The following NPLOC4 variants were observed in gnomAD, a reference collection of about 807,000 sequenced individuals.
The protein encoded by NPLOC4 is NPL4 homolog, ubiquitin recognition factor.
In NPLOC4, 18 loss-of-function variants were observed where a neutral mutation model predicts 80.6. The ratio of observed to expected loss-of-function variants is 0.22; its 90% CI spans 0.15 to 0.33. The LOEUF (loss-of-function observed/expected upper bound fraction) is 0.33, where lower values mean the gene tolerates loss of function less well. NPLOC4 is among the 10% of genes least tolerant of loss of function. The pLI, the probability that NPLOC4 is intolerant of heterozygous loss-of-function variation, is 1.00. For missense variants in NPLOC4, 540 were observed against 786.1 expected, an observed-to-expected ratio of 0.69 and a Z score of 3.74; for synonymous variants, 313 against 301.5, an observed-to-expected ratio of 1.04 and a Z score of -0.39.
Position 81,606,768 on chromosome 17 carries a change from C to T in NPLOC4, c.577G>A (p.Gly193Arg). Residue 193 changes from glycine to arginine, a missense_variant, in exon 7 of 17, where the codon GGG (glycine) becomes AGG (arginine). Physicochemically the swap from Gly to Arg is moderately radical, Grantham distance 125. Transcript: ENST00000331134. ...LENISCKIKS[G>R]CEGHLPWPNG... ...GGCCACGGGAGGTGCCCCTCGCACC[C>T]TGACTTAATCTTGCAGCTGATGTTC... is the stretch of plus-strand genomic sequence containing the variant. The T allele has an allele frequency of 6.2e-7, 1 of 1,613,784 alleles. No individual in the cohort carries two copies. The highest frequency in any genetic ancestry group is 1.3e-5 in the African/African-American group (1 of 75,044).
intron 14 of NPLOC4, 121 bp downstream of exon 14, chr17:81,568,895 G>A (rs1056879812): frequency 1.4e-6 from 1 of 698,454 alleles, no homozygotes; most frequent in Non-Finnish European, 2.5e-6. Flanking sequence ...GCCCTAGCTG[G>A]CCTGTCACAA....
At position 81,580,068 on chromosome 17, in the gene NPLOC4, C is replaced by T. The variant is rs184640099; in HGVS notation, c.1282-7980G>A. Among the ~76,000 whole-genome samples the T allele has an allele frequency of 1.3e-5, 2 of 152,254 alleles. No individual in the cohort carries two copies. The highest frequency in any genetic ancestry group is 2.9e-5 in the Non-Finnish European group (2 of 68,010). ...CCAGGGCGCTATGCTCCTGCCCCTC[C>T]TCCCCAGCTCCTGCCTCCCAGTGCT... On this transcript the variant is annotated intron_variant, in intron 12 of 16. Coordinates refer to ENST00000331134, the MANE Select transcript of NPLOC4 (RefSeq NM_017921.4). This position sits in a 1 kb window ranked among gnomAD's most constrained non-coding sequence, Gnocchi z 4.4.
chr17:81,569,859 G>C (rs2034114491), intron 13 of NPLOC4, among the ~76,000 whole-genome samples: 1 of 152,184 alleles, frequency 6.6e-6, no homozygotes, highest in Non-Finnish European at 1.5e-5. Flanking sequence ...AAATGTGCAA[G>C]AATCAATAGA....
intron 12 of NPLOC4, among the ~76,000 whole-genome samples, chr17:81,575,260 C>T (rs1449225668): frequency 1.3e-5 from 2 of 152,108 alleles, no homozygotes; most frequent in Admixed American, 6.6e-5. Context: ...CCACCACGCC[C>T]GGCTAATTTT....
intron 12 of NPLOC4, 88 bp downstream of exon 12, chr17:81,588,856 T>C (rs928089382): frequency 1.8e-5 from 21 of 1,165,626 alleles, no homozygotes; most frequent in Admixed American, 4.5e-5. Context: ...ACGGCTGCTA[T>C]AGGCAGAATG....
chr17:81,574,140 T>C (rs1042033523), intron 12 of NPLOC4, among the ~76,000 whole-genome samples: 5 of 152,236 alleles, frequency 3.3e-5, no homozygotes, highest in African/African-American at 1.2e-4. Context: ...CTACAAGAAA[T>C]AAACCTGCAA....
chr17:81,629,671 G>T, intron 2 of NPLOC4, 54 bp downstream of exon 2: 2 of 1,278,930 alleles, frequency 1.6e-6, no homozygotes, highest in South Asian at 2.4e-5. Flanking sequence ...ATCGATGGCA[G>T]TAAGAGTAGA....
At chr17:81,616,066 C>A (rs1175064813) in intron 3 of NPLOC4, among the ~76,000 whole-genome samples, 1 of 152,030 alleles carries the variant, frequency 6.6e-6, no homozygotes. Context: ...CGCCTGTAAT[C>A]CCAGCACTTT....
At position 81,559,699 on chromosome 17, in the gene NPLOC4, G is replaced by A. The variant is rs191887780; in HGVS notation, c.1670-283C>T. On this transcript the variant is annotated intron_variant, in intron 16 of 16. Transcript: ENST00000331134. ...CTCCTTGTGAATAACGTAACTCCCCGGGGGATGTGCATTTGGGTTGTTTCC... is the reference window on the plus strand; with the variant it reads ...CTCCTTGTGAATAACGTAACTCCCCAGGGGATGTGCATTTGGGTTGTTTCC... Among the ~76,000 whole-genome samples, 188 of 151,780 alleles carry A rather than the reference G, an allele frequency of 1.2e-3. 1 individual carries two copies. In the South Asian group the frequency reaches 0.015, roughly 12 times the overall value.
chr17:81,596,747 A>C (rs2034917830), intron 10 of NPLOC4, among the ~76,000 whole-genome samples: 1 of 152,208 alleles, frequency 6.6e-6, no homozygotes. Flanking sequence ...TGCTTTATAA[A>C]GGTAAGATGG....
chr17:81,630,766 A>C (rs2035907472), intron 1 of NPLOC4, among the ~76,000 whole-genome samples: 1 of 152,168 alleles, frequency 6.6e-6, no homozygotes, highest in African/African-American at 2.4e-5. Context: ...GGTCTCAGCT[A>C]CTTGGGGAGC....
rs1312064927 is a variant in NPLOC4 at position 81,597,212 on chromosome 17, A to G, written c.993+33T>C. The G allele has an allele frequency of 1.9e-6, 3 of 1,571,672 alleles. No homozygotes were observed. In the South Asian group the frequency reaches 3.3e-5, roughly 17 times the overall value. On this transcript the variant is annotated intron_variant, in intron 10 of 16. Coordinates refer to ENST00000331134, the MANE Select transcript of NPLOC4 (RefSeq NM_017921.4). ...CCAACACCATCTGTAACCAAGCCAT[A>G]GGGCCACACGCACAGTCCTGTCTCC... is the stretch of plus-strand genomic sequence containing the variant.
intron 1 of NPLOC4, among the ~76,000 whole-genome samples, chr17:81,630,975 C>T (rs550385073): frequency 1.3e-5 from 2 of 151,556 alleles, no homozygotes; most frequent in African/African-American, 2.4e-5. Context: ...GAGTTCGAGA[C>T]CAGCCTGGCC....
intron 11 of NPLOC4, among the ~76,000 whole-genome samples, chr17:81,590,993 T>A (rs2034722870): frequency 6.6e-6 from 1 of 152,034 alleles, no homozygotes; most frequent in African/African-American, 2.4e-5. Context: ...ACCACTAATA[T>A]CTCAGCAAAG....
At chr17:81,608,992 TTTC>T (rs1398352918) in intron 5 of NPLOC4, 170 bp from the exon 6 acceptor site, 4 of 507,290 alleles carry the variant, frequency 7.9e-6, no homozygotes, top group South Asian at 3.4e-5. Context: ...GAACCAAGTT[TTTC>T]TTTTTTTAAT....
At chr17:81,598,093 T>G (rs546049592) in intron 9 of NPLOC4, among the ~76,000 whole-genome samples, 1 of 79,588 alleles carries the variant, frequency 1.3e-5, no homozygotes, top group Non-Finnish European at 2.6e-5. Flanking sequence ...AGACTCTGTC[T>G]CAAAAAAAAA....
chr17:81,619,226 A>C (rs973707606), intron 3 of NPLOC4, among the ~76,000 whole-genome samples: 3 of 151,834 alleles, frequency 2.0e-5, no homozygotes, highest in African/African-American at 7.3e-5. Context: ...AAACACAAAA[A>C]ATTAGCCGGG....
rs1186585001 is a variant in NPLOC4, at chr17:81,559,216, G to A, written c.*43C>T. 2.6e-6 allele frequency: 4 copies of A among 1,551,600 alleles called. No individual in the cohort carries two copies. Among genetic ancestry groups the A allele is most frequent in the Admixed American group, 2.0e-5 (1 of 51,210 alleles). ...TCAGCAACGCTTCTGGCTTCAGGAAGGGCTGGGCTGGGCCCGGTCCTAGCC... is the reference window on the plus strand; with the variant it reads ...TCAGCAACGCTTCTGGCTTCAGGAAAGGCTGGGCTGGGCCCGGTCCTAGCC... On this transcript the variant is annotated 3_prime_UTR_variant, in exon 17 of 17. Coordinates refer to ENST00000331134, the MANE Select transcript of NPLOC4 (RefSeq NM_017921.4).
At chr17:81,635,701 C>T (rs1187453432) in intron 1 of NPLOC4, among the ~76,000 whole-genome samples, 1 of 152,122 alleles carries the variant, frequency 6.6e-6, no homozygotes, top group Non-Finnish European at 1.5e-5. Context: ...GTCACCGCGC[C>T]GGGCCTGGAG....
Sources: allele counts gnomAD v4.1 joint callset (sites outside exome capture counted in the v4.1 genomes callset), GRCh38; gene constraint gnomAD v4.1.1; non-coding constraint Gnocchi (gnomAD v3.1); transcripts MANE v1.5; gene names NCBI Gene and HGNC (gene_info 2026-07-23, HGNC 2026-07-21).